Variants in SEPTIN11 observed in about 807,000 individuals in gnomAD.
The protein encoded by SEPTIN11 is septin 11, also known as septin-11.
A neutral mutation model predicts 51.4 loss-of-function variants in SEPTIN11; 25 were observed. The ratio of observed to expected loss-of-function variants is 0.49; its 90% confidence interval spans 0.35 to 0.68. SEPTIN11 has a LOEUF of 0.68. Ranked by LOEUF, SEPTIN11 falls within the 30% of genes least tolerant of loss-of-function variation. The probability of loss-of-function intolerance (pLI) is 0.00; values close to 1 mark genes in which losing one functional copy is unlikely to be tolerated. For synonymous variants in SEPTIN11, 174 were observed against 184.1 expected, an observed-to-expected ratio of 0.95 and a Z score of 0.44; for missense variants, 381 against 520.8, an observed-to-expected ratio of 0.73 and a Z score of 2.61.
At chr4:76,987,036 A>G (rs1432115803) in intron 1 of SEPTIN11, among the ~76,000 whole-genome samples, 2 of 152,150 alleles carry the variant, frequency 1.3e-5, no homozygotes, top group African/African-American at 4.8e-5. Context: ...TTACTTGGAG[A>G]TAGCACTTGG....
At position 77,034,992 on chromosome 4, in the gene SEPTIN11, C is replaced by T. The variant is rs1726934115; in HGVS notation, c.*480C>T. 1.0e-6 allele frequency: 1 copy of T among 986,104 alleles called. No individual in the cohort carries two copies. Among genetic ancestry groups the T allele is most frequent in the African/African-American group, 1.7e-5 (1 of 57,246 alleles). 61.1% of individuals were successfully genotyped at this position (986,104 alleles called of 1,614,324 possible). A position where few individuals can be genotyped will look rare whatever the true frequency, so the allele number is the denominator to read the frequency against. On this transcript the variant is annotated 3_prime_UTR_variant, in exon 10 of 10. Transcript: ENST00000264893. Reference sequence around the variant, plus strand: ...GTCTTTTCTCCACACTTGTCCTAAGCCAAGGTAGATTTGTACGTAGACAGA... The same window carrying T: ...GTCTTTTCTCCACACTTGTCCTAAGTCAAGGTAGATTTGTACGTAGACAGA...
intron 1 of SEPTIN11, among the ~76,000 whole-genome samples, chr4:76,975,521 C>T (rs938595633): frequency 1.3e-5 from 2 of 152,114 alleles, no homozygotes; most frequent in East Asian, 3.9e-4. Context: ...ATGAAAAATA[C>T]ATTTTTCAAG....
chr4:77,014,386 A>G (rs1383580264), intron 4 of SEPTIN11, among the ~76,000 whole-genome samples: 1 of 152,164 alleles, frequency 6.6e-6, no homozygotes, highest in Non-Finnish European at 1.5e-5. Flanking sequence ...GGAGGTGCGA[A>G]CTCAAGAGCC....
At position 76,996,539 on chromosome 4, in the gene SEPTIN11, G is replaced by A. The variant is rs745711264; in HGVS notation, c.142G>A (p.Gly48Ser). 4.4e-6 allele frequency: 7 copies of A among 1,608,532 alleles called. No individual in the cohort carries two copies. Among genetic ancestry groups the A allele is most frequent in the Non-Finnish European group, 6.0e-6 (7 of 1,175,072 alleles). Residue 48 changes from glycine (G) to serine (S), a missense_variant and splice_region_variant, in exon 2 of 10, where the codon GGT (glycine) becomes AGT (serine). Gly to Ser is a moderately conservative substitution (Grantham distance 56, BLOSUM62 0). Transcript: ENST00000264893. ...ATTCTGTTTCAACATCCTTTGTGTTGGTAAGTTATTCATCACCCCACAGCA... is the reference window on the plus strand; with the variant it reads ...ATTCTGTTTCAACATCCTTTGTGTTAGTAAGTTATTCATCACCCCACAGCA... Reference protein sequence around the residue: ...QGFCFNILCVGETGIGKSTLM... With the variant: ...QGFCFNILCVSETGIGKSTLM...
At chr4:77,006,007 T>C (rs1292718918) in intron 3 of SEPTIN11, among the ~76,000 whole-genome samples, 1 of 152,124 alleles carries the variant, frequency 6.6e-6, no homozygotes, top group African/African-American at 2.4e-5. Flanking sequence ...TGATCCCAGC[T>C]AGTAGGATCA....
intron 1 of SEPTIN11, among the ~76,000 whole-genome samples, chr4:76,979,848 C>CA (rs111689525): frequency 0.01 from 1,300 of 124,032 alleles, 8 homozygotes; most frequent in African/African-American, 0.024. Context: ...AACTCCATGT[C>CA]AAAAAAAAAA....
At chr4:76,978,605 T>C (rs1405767241) in intron 1 of SEPTIN11, among the ~76,000 whole-genome samples, 1 of 152,160 alleles carries the variant, frequency 6.6e-6, no homozygotes, top group African/African-American at 2.4e-5. Context: ...CTCTTAGAGC[T>C]TCACTGACCT....
Position 77,036,041 on chromosome 4 carries a change from A to G in SEPTIN11, c.*1529A>G, listed in dbSNP as rs1198740963. ...CACACACTTTCTTTTTTGAATGAGCAAGTCTCCATTTTGATTTCAGCAAAG... is the reference window on the plus strand; with the variant it reads ...CACACACTTTCTTTTTTGAATGAGCGAGTCTCCATTTTGATTTCAGCAAAG... On this transcript the variant is annotated 3_prime_UTR_variant, in exon 10 of 10. Transcript: ENST00000264893. 5 of 985,942 alleles carry G rather than the reference A, an allele frequency of 5.1e-6. No individual in the cohort carries two copies. Among genetic ancestry groups the G allele is most frequent in the Non-Finnish European group, 6.0e-6 (5 of 829,976 alleles). 61.1% of individuals were successfully genotyped at this position (985,942 alleles called of 1,614,324 possible). A position where few individuals can be genotyped will look rare whatever the true frequency, so the allele number is the denominator to read the frequency against.
chr4:76,949,802 G>T lies in SEPTIN11; in HGVS notation c.-102G>T. ...GGACGCCGGCGAGCAGAGCGCAGCC[G>T]CGAGGGAGGCGCGAGGGAGGCGAGC... is the stretch of plus-strand genomic sequence containing the variant. On this transcript the variant is annotated 5_prime_UTR_variant, in exon 1 of 10. Transcript: ENST00000264893. 2.3e-6 allele frequency: 3 copies of T among 1,310,136 alleles called. No homozygotes were observed. The South Asian group carries it at 3.9e-5, about 17-fold the overall frequency. The allele number at this position is 1,310,136 out of a possible 1,614,324, so 81.2% of individuals were successfully genotyped here. A position where few individuals can be genotyped will look rare whatever the true frequency, so the allele number is the denominator to read the frequency against.
At position 76,985,874 on chromosome 4, in the gene SEPTIN11, G is replaced by A. The variant is rs1426289425; in HGVS notation, c.28-10551G>A. 3.9e-5 allele frequency among the ~76,000 whole-genome samples: 6 copies of A among 152,182 alleles called. No individual in the cohort carries two copies. The East Asian group carries it at 5.8e-4, about 15-fold the overall frequency. ...GGCGCTTACAAATTTTGGTGAAGTC[G>A]AATGAGGGCAGCGTTAAGAGAAATA... is the stretch of plus-strand genomic sequence containing the variant. On this transcript the variant is annotated intron_variant, in intron 1 of 9. Transcript: ENST00000264893.
chr4:76,975,690 G>C (rs925845834), intron 1 of SEPTIN11, among the ~76,000 whole-genome samples: 1 of 151,812 alleles, frequency 6.6e-6, no homozygotes, highest in African/African-American at 2.4e-5. Context: ...ATAGGTATGT[G>C]GTTGGAAAAG....
intron 2 of SEPTIN11, 25 bp from the exon 3 acceptor site, chr4:77,005,576 T>C: frequency 6.3e-7 from 1 of 1,596,224 alleles, no homozygotes; most frequent in Non-Finnish European, 8.6e-7. Context: ...ACACATTCTC[T>C]GATTTTTCTT....
chr4:76,957,085 G>A (rs1721596861), intron 1 of SEPTIN11, among the ~76,000 whole-genome samples: 1 of 151,754 alleles, frequency 6.6e-6, no homozygotes, highest in Non-Finnish European at 1.5e-5. Flanking sequence ...CTACTCACTG[G>A]TGATGAGCTT....
intron 1 of SEPTIN11, among the ~76,000 whole-genome samples, chr4:76,988,543 CTG>C (rs1407091334): frequency 6.6e-6 from 1 of 152,228 alleles, no homozygotes; most frequent in Admixed American, 6.5e-5. Context: ...GTATATCACT[CTG>C]TCACCCAGGC....
rs1325477930 is a variant in SEPTIN11, at chr4:76,984,461, A to G, written c.28-11964A>G. On this transcript the variant is annotated intron_variant, in intron 1 of 9. Transcript: ENST00000264893. This position sits in a 1 kb window ranked among gnomAD's most constrained non-coding sequence, Gnocchi z 4.1. ...GGCTAATTTATATCCGGTGATAGAA[A>G]TGGTGGCATCGGGAAGGAAGCGTCC... Among the ~76,000 whole-genome samples the G allele has an allele frequency of 6.6e-6, 1 of 152,226 alleles. No homozygotes were observed. The highest frequency in any genetic ancestry group is 1.5e-5 in the Non-Finnish European group (1 of 68,026).
At chr4:76,995,694 A>T in intron 1 of SEPTIN11, 5 of 1,224,352 alleles carry the variant, frequency 4.1e-6, no homozygotes, top group Non-Finnish European at 3.3e-6. Context: ...CATTTTATAT[A>T]ACAGCATAAA....
downstream of SEPTIN11, chr4:77,039,912 A>T: frequency 5.1e-6 from 1 of 196,576 alleles, no homozygotes; most frequent in Non-Finnish European, 9.2e-6. Flanking sequence ...TGTTTTTTGT[A>T]TTGGTTATTC....
intron 9 of SEPTIN11, 106 bp downstream of exon 9, chr4:77,031,076 A>G: frequency 9.5e-7 from 1 of 1,056,974 alleles, no homozygotes; most frequent in Non-Finnish European, 1.4e-6. Context: ...TTTACCAGAA[A>G]GATAAAAGCA....
intron 1 of SEPTIN11, among the ~76,000 whole-genome samples, chr4:76,988,237 C>T (rs1469089364): frequency 6.6e-6 from 1 of 152,176 alleles, no homozygotes. Context: ...AGTTATAAGG[C>T]TACACAGCAT....
Sources: gnomAD v4.1 joint callset for allele counts (sites outside exome capture counted in the v4.1 genomes callset) on GRCh38, gnomAD v4.1.1 for gene constraint, Gnocchi (gnomAD v3.1) non-coding constraint, MANE v1.5 for transcripts, NCBI Gene and HGNC (gene_info 2026-07-23, HGNC 2026-07-21) for gene names.